The following SRRM4 variants were observed in gnomAD, a reference collection of about 807,000 sequenced individuals.
SRRM4 encodes the protein serine/arginine repetitive matrix 4, also known as serine/arginine repetitive matrix protein 4.
In SRRM4, 33 loss-of-function variants were observed where a neutral mutation model predicts 68.9. The observed-to-expected ratio is 0.48, with a 90% CI of 0.36 to 0.64. SRRM4 has a LOEUF of 0.64. Ranked by LOEUF, SRRM4 falls within the 30% of genes least tolerant of loss-of-function variation. The pLI, the probability that SRRM4 is intolerant of heterozygous loss-of-function variation, is 0.00. For missense variants in SRRM4, 817 were observed against 827.1 expected (o/e 0.99, Z 0.15); for synonymous variants, 318 against 318.8 (o/e 1.00, Z 0.03).
chr12:119,068,718 C>T (rs1231473250), intron 1 of SRRM4, among the ~76,000 whole-genome samples: 1 of 152,036 alleles, frequency 6.6e-6, no homozygotes. Flanking sequence ...ACCTCCATCT[C>T]GGTGTCAGAA....
rs925069835 is a variant in SRRM4, at chr12:119,158,642, A to C, written c.*1844A>C. 2 of 152,424 alleles carry C rather than the reference A, an allele frequency of 1.3e-5. No homozygotes were observed. The highest frequency in any genetic ancestry group is 4.8e-5 in the African/African-American group (2 of 41,482). The allele number at this position is 152,424 out of a possible 1,614,324, so 9.4% of individuals were successfully genotyped here. ...AGGCCAGATGGCAGGTGCCTGGGAC[A>C]GGGGCAGGTGCCCCGGGGAGGGCAA... On this transcript the variant is annotated 3_prime_UTR_variant, in exon 13 of 13. Coordinates refer to ENST00000267260, the MANE Select transcript of SRRM4 (RefSeq NM_194286.4).
intron 1 of SRRM4, among the ~76,000 whole-genome samples, chr12:119,007,956 C>A (rs888566643): frequency 3.9e-5 from 6 of 152,150 alleles, no homozygotes; most frequent in African/African-American, 1.4e-4. Context: ...GCCTCAATTT[C>A]TTCTTCCATA....
At chr12:119,013,087 G>T (rs893252570) in intron 1 of SRRM4, among the ~76,000 whole-genome samples, 3 of 152,146 alleles carry the variant, frequency 2.0e-5, no homozygotes, top group African/African-American at 4.8e-5. Context: ...CATCATTATT[G>T]TTTCCTTAAC....
chr12:119,101,950 G>T (rs1954080011), intron 1 of SRRM4, among the ~76,000 whole-genome samples: 1 of 152,150 alleles, frequency 6.6e-6, no homozygotes, highest in African/African-American at 2.4e-5. Context: ...ATGTGGTGAA[G>T]GCATCTTTCC....
At chr12:119,061,852 C>A (rs1953814271) in intron 1 of SRRM4, among the ~76,000 whole-genome samples, 2 of 152,000 alleles carry the variant, frequency 1.3e-5, no homozygotes, top group Non-Finnish European at 2.9e-5. Flanking sequence ...ATTGTATTTC[C>A]CCAGTTGTGA....
chr12:119,079,795 C>G (rs568157119), intron 1 of SRRM4, among the ~76,000 whole-genome samples: 1 of 152,198 alleles, frequency 6.6e-6, no homozygotes, highest in East Asian at 1.9e-4. Flanking sequence ...TTGGGATCGC[C>G]TAGTCAATTA....
chr12:119,124,944 C>T (rs1204072968), intron 6 of SRRM4, among the ~76,000 whole-genome samples: 1 of 152,212 alleles, frequency 6.6e-6, no homozygotes, highest in Non-Finnish European at 1.5e-5. Context: ...GGCAAAGCAG[C>T]ACCTTCTGTT....
At chr12:119,078,244 G>A (rs1403396651) in intron 1 of SRRM4, among the ~76,000 whole-genome samples, 1 of 152,134 alleles carries the variant, frequency 6.6e-6, no homozygotes, top group East Asian at 1.9e-4. Context: ...CTTATGTCCT[G>A]GTATTATAAG....
chr12:119,127,274 A>G (rs1418840475), intron 7 of SRRM4, among the ~76,000 whole-genome samples: 2 of 152,168 alleles, frequency 1.3e-5, no homozygotes, highest in Non-Finnish European at 2.9e-5. Context: ...TTGATGTTCA[A>G]TGGGGACACT....
intron 8 of SRRM4, among the ~76,000 whole-genome samples, chr12:119,139,194 T>C (rs1592913855): frequency 6.6e-6 from 1 of 152,182 alleles, no homozygotes. Flanking sequence ...TTGCACCTTA[T>C]GTGCCAGAGA....
chr12:119,115,571 T>C lies in SRRM4; in HGVS notation c.365+1207T>C, dbSNP rs138809990. ...TTTCACAGACACCCCTTAGCCTCAT[T>C]CTAAAAGGACAGGCTCAAAGAGGAG... On this transcript the variant is annotated intron_variant, in intron 3 of 12. Coordinates refer to ENST00000267260, the MANE Select transcript of SRRM4 (RefSeq NM_194286.4). Among the ~76,000 whole-genome samples, 267 of 152,310 alleles carry C rather than the reference T, an allele frequency of 1.8e-3. 1 individual carries two copies. The highest frequency in any genetic ancestry group is 5.7e-3 in the African/African-American group (237 of 41,578).
intron 1 of SRRM4, among the ~76,000 whole-genome samples, chr12:118,988,987 T>C (rs929170018): frequency 1.8e-4 from 27 of 152,050 alleles, no homozygotes; most frequent in African/African-American, 6.5e-4. Context: ...TTGGTGTATT[T>C]GAGAAATAGC....
intron 4 of SRRM4, among the ~76,000 whole-genome samples, chr12:119,119,274 A>G (rs1276430209): frequency 6.6e-6 from 1 of 151,872 alleles, no homozygotes; most frequent in Non-Finnish European, 1.5e-5. Context: ...GATTTTTCAC[A>G]TCTATTTATT....
At chr12:119,053,174 C>T (rs561526121) in intron 1 of SRRM4, among the ~76,000 whole-genome samples, 21 of 152,050 alleles carry the variant, frequency 1.4e-4, no homozygotes, top group South Asian at 6.2e-4. Context: ...GAGCCTGGGG[C>T]GAGTAGCAGT....
intron 1 of SRRM4, among the ~76,000 whole-genome samples, chr12:119,038,173 A>C (rs1264316013): frequency 6.6e-6 from 1 of 151,804 alleles, no homozygotes; most frequent in East Asian, 1.9e-4. Context: ...CTGCCTTGCT[A>C]ATACACTTGA....
chr12:119,148,037 G>C (rs1023840150), intron 9 of SRRM4, among the ~76,000 whole-genome samples: 3 of 152,172 alleles, frequency 2.0e-5, no homozygotes, highest in African/African-American at 7.2e-5. Flanking sequence ...TAATTAATGA[G>C]GCAGATGCAC....
chr12:118,997,251 T>G (rs1172949758), intron 1 of SRRM4, among the ~76,000 whole-genome samples: 1 of 152,162 alleles, frequency 6.6e-6, no homozygotes, highest in African/African-American at 2.4e-5. Context: ...CCAAATTTGG[T>G]AGGGATTTCC....
intron 8 of SRRM4, among the ~76,000 whole-genome samples, chr12:119,142,586 G>C (rs1333536686): frequency 6.6e-6 from 1 of 152,158 alleles, no homozygotes; most frequent in African/African-American, 2.4e-5. Context: ...GGAGAGAAAG[G>C]CCCAGCCTGG....
intron 1 of SRRM4, among the ~76,000 whole-genome samples, chr12:119,079,623 C>T (rs936144597): frequency 6.6e-6 from 1 of 152,176 alleles, no homozygotes; most frequent in African/African-American, 2.4e-5. Flanking sequence ...CTTAGCCTTG[C>T]CCTGTGGTCG....
Sources: gnomAD v4.1 joint callset for allele counts (sites outside exome capture counted in the v4.1 genomes callset) on GRCh38, gnomAD v4.1.1 for gene constraint, MANE v1.5 for transcripts, NCBI Gene and HGNC (gene_info 2026-07-23, HGNC 2026-07-21) for gene names.